SPMAP2: variants seen among roughly 807,000 people sequenced by gnomAD.
The protein encoded by SPMAP2 is Theg homolog.
the SPMAP2 span, among the ~76,000 whole-genome samples, chr19:373,231 A>G: frequency 6.6e-6 from 1 of 152,092 alleles, no homozygotes; most frequent in Non-Finnish European, 1.5e-5. Flanking sequence ...GGGAAAGCAA[A>G]GGGTCTTTTT....
At chr19:374,116 C>T in the SPMAP2 span, 1 of 1,462,438 alleles carries the variant, frequency 6.8e-7, no homozygotes, top group East Asian at 2.4e-5. Context: ...GGCCACCGTT[C>T]CCTAGCCACT....
chr19:364,152 T>A, the SPMAP2 span, among the ~76,000 whole-genome samples: 1 of 148,016 alleles, frequency 6.8e-6, no homozygotes, highest in African/African-American at 2.5e-5. Context: ...GCTCACACGG[T>A]GAAATCCCAT....
chr19:370,777 G>C, the SPMAP2 span, among the ~76,000 whole-genome samples: 1 of 152,204 alleles, frequency 6.6e-6, no homozygotes, highest in South Asian at 2.1e-4. Flanking sequence ...CGACGCACGC[G>C]AGAGTCTCAG....
the SPMAP2 span, chr19:367,198 T>C: frequency 3.7e-6 from 6 of 1,606,038 alleles, no homozygotes; most frequent in Non-Finnish European, 5.1e-6. Flanking sequence ...GGACTGCCAT[T>C]TGGGCTGCCC....
chr19:363,278 C>T, the SPMAP2 span, among the ~76,000 whole-genome samples: 24 of 151,932 alleles, frequency 1.6e-4, no homozygotes, highest in East Asian at 7.8e-4. Context: ...CTGCAACCTC[C>T]GCCTCCCAGG....
chr19:371,278 C>G, the SPMAP2 span: 1 of 1,518,772 alleles, frequency 6.6e-7, no homozygotes, highest in South Asian at 1.3e-5. Context: ...ACTCGACGCT[C>G]TGTATTCCAG....
the SPMAP2 span, chr19:371,427 AG>A: frequency 1.9e-6 from 1 of 522,606 alleles, no homozygotes; most frequent in Non-Finnish European, 3.3e-6. Context: ...TGTCTTTCCC[AG>A]CTCCTCCATA....
At chr19:375,507 C>G in the SPMAP2 span, among the ~76,000 whole-genome samples, 1 of 152,188 alleles carries the variant, frequency 6.6e-6, no homozygotes, top group African/African-American at 2.4e-5. Flanking sequence ...CACACCTAGG[C>G]TGACTCGGCA....
the SPMAP2 span, among the ~76,000 whole-genome samples, chr19:375,062 G>A: frequency 1.3e-5 from 2 of 152,184 alleles, no homozygotes; most frequent in Non-Finnish European, 2.9e-5. Context: ...ACGGTGAGAA[G>A]GGGGCAGGTC....
the SPMAP2 span, among the ~76,000 whole-genome samples, chr19:373,168 T>C: frequency 2.0e-5 from 3 of 152,334 alleles, no homozygotes; most frequent in East Asian, 3.9e-4. Context: ...AAGGTATCTA[T>C]GATACCTCAA....
chr19:364,568 GCCA>G, the SPMAP2 span, among the ~76,000 whole-genome samples: 212 of 151,364 alleles, frequency 1.4e-3, 1 homozygote, highest in African/African-American at 4.8e-3. Context: ...GGGGGCCACA[GCCA>G]AGAGAGCTCA....
At chr19:370,614 T>C in the SPMAP2 span, among the ~76,000 whole-genome samples, 1 of 151,390 alleles carries the variant, frequency 6.6e-6, no homozygotes, top group African/African-American at 2.4e-5. Context: ...CCTTCCAAAG[T>C]GCTGGGATGA....
At chr19:365,149 G>C in the SPMAP2 span, among the ~76,000 whole-genome samples, 1 of 152,198 alleles carries the variant, frequency 6.6e-6, no homozygotes, top group Non-Finnish European at 1.5e-5. Context: ...ACGCACCCGC[G>C]CTCACCACAC....
At chr19:371,321 T>TC in the SPMAP2 span, 16 of 1,455,320 alleles carry the variant, frequency 1.1e-5, no homozygotes, top group African/African-American at 2.3e-4. Flanking sequence ...ACAGGAGTCG[T>TC]CCTGGGGGAG....
the SPMAP2 span, among the ~76,000 whole-genome samples, chr19:369,804 T>C: frequency 2.6e-5 from 4 of 151,734 alleles, no homozygotes; most frequent in African/African-American, 9.7e-5. Flanking sequence ...AGAACCTTCT[T>C]AAGGGTGGGG....
the SPMAP2 span, among the ~76,000 whole-genome samples, chr19:365,503 AC>A: frequency 1.3e-5 from 1 of 77,958 alleles, no homozygotes; most frequent in Non-Finnish European, 3.4e-5. Context: ...ACAGCCACAC[AC>A]TCGCTCTTAC....
At chr19:375,623 AC>A in the SPMAP2 span, 1 of 1,512,850 alleles carries the variant, frequency 6.6e-7, no homozygotes, top group Non-Finnish European at 8.9e-7. Flanking sequence ...GCTGAGCCCT[AC>A]CCCACCGCAC....
the SPMAP2 span, among the ~76,000 whole-genome samples, chr19:364,917 G>A: frequency 0.05 from 7,586 of 152,258 alleles, 414 homozygotes; most frequent in African/African-American, 0.13. Flanking sequence ...TTCTGGGAAA[G>A]CTCCCACCTT....
the SPMAP2 span, chr19:362,338 G>A: frequency 0.012 from 18,957 of 1,610,700 alleles, 171 homozygotes; most frequent in Non-Finnish European, 0.014. Context: ...AGATGATCCG[G>A]GGGCTGGCCA....
Sources: allele counts gnomAD v4.1 joint callset (sites outside exome capture counted in the v4.1 genomes callset), GRCh38; gene constraint gnomAD v4.1.1; transcripts MANE v1.5; gene names NCBI Gene and HGNC (gene_info 2026-07-23, HGNC 2026-07-21).